Variants in DLGAP2 observed in about 807,000 individuals in gnomAD.
DLGAP2 encodes DLG associated protein 2.
DLGAP2 carries 26 observed loss-of-function variants against 100.3 expected under a neutral mutation model. The observed-to-expected ratio is 0.26, with a 90% CI of 0.19 to 0.36. The LOEUF is 0.36. DLGAP2 is among the 10% of genes least tolerant of loss of function. The probability of loss-of-function intolerance (pLI) is 1.00; values close to 1 mark genes in which losing one functional copy is unlikely to be tolerated. For missense variants in DLGAP2, 1,858 were observed against 1,453.2 expected, an observed-to-expected ratio of 1.28 and a Z score of -4.53; for synonymous variants, 886 against 630.1, an observed-to-expected ratio of 1.41 and a Z score of -6.08.
chr8:1,068,689 A>G (rs552779194), intron 2 of DLGAP2, among the ~76,000 whole-genome samples: 21 of 152,176 alleles, frequency 1.4e-4, no homozygotes, highest in East Asian at 1.4e-3. Flanking sequence ...GGCTCAGCGC[A>G]TGTGGGACAG....
intron 1 of DLGAP2, among the ~76,000 whole-genome samples, chr8:752,462 G>A (rs953915695): frequency 6.6e-6 from 1 of 152,312 alleles, no homozygotes; most frequent in Non-Finnish European, 1.5e-5. Flanking sequence ...TGCCAATCTC[G>A]GTCGTGCCGC....
At chr8:1,377,529 G>A (rs1795986314) in intron 3 of DLGAP2, among the ~76,000 whole-genome samples, 2 of 152,158 alleles carry the variant, frequency 1.3e-5, no homozygotes, top group Non-Finnish European at 1.5e-5. Context: ...GGGCGATAGA[G>A]CGAGACTCCG....
intron 1 of DLGAP2, among the ~76,000 whole-genome samples, chr8:863,371 A>G (rs1296116229): frequency 6.6e-6 from 1 of 152,234 alleles, no homozygotes; most frequent in African/African-American, 2.4e-5. Flanking sequence ...CATCCCAAAT[A>G]TTTAAGGTTA....
intron 2 of DLGAP2, among the ~76,000 whole-genome samples, chr8:1,164,963 A>G (rs919479154): frequency 1.3e-5 from 2 of 151,892 alleles, no homozygotes; most frequent in Non-Finnish European, 2.9e-5. Context: ...AGAAACCCAA[A>G]TTATCTTCCC....
At chr8:1,357,468 T>G (rs1293096879) in intron 3 of DLGAP2, among the ~76,000 whole-genome samples, 1 of 151,768 alleles carries the variant, frequency 6.6e-6, no homozygotes, top group African/African-American at 2.4e-5. Flanking sequence ...TCGTCTAATG[T>G]ACAGTGACTG....
At chr8:1,004,364 A>G (rs1801046197) in intron 2 of DLGAP2, among the ~76,000 whole-genome samples, 1 of 152,238 alleles carries the variant, frequency 6.6e-6, no homozygotes, top group African/African-American at 2.4e-5. Context: ...TTGGTAAGCT[A>G]CAGTGACATT....
Position 967,831 on chromosome 8 carries a change from T to C in DLGAP2, c.73+59865T>C, listed in dbSNP as rs1302636769. ...TTGAACACCACTATATATATATATA[T>C]ATATATATATATATATATATATATA... On this transcript the variant is annotated intron_variant, in intron 2 of 14. Transcript: ENST00000637795. 1.1e-3 allele frequency among the ~76,000 whole-genome samples: 19 copies of C among 16,804 alleles called. 1 individual carries two copies. The highest frequency in any genetic ancestry group is 2.4e-3 in the Non-Finnish European group (19 of 7,798). The allele number at this position is 16,804 out of a possible 152,430, so 11.0% of individuals were successfully genotyped here. A position where few individuals can be genotyped will look rare whatever the true frequency, so the allele number is the denominator to read the frequency against.
intron 1 of DLGAP2, among the ~76,000 whole-genome samples, chr8:752,254 G>T (rs534717045): frequency 6.6e-6 from 1 of 152,356 alleles, no homozygotes; most frequent in South Asian, 2.1e-4. Flanking sequence ...CAGAGAGGGA[G>T]AGGAGAGACT....
At chr8:1,670,606 G>A (rs1265241369) in intron 10 of DLGAP2, among the ~76,000 whole-genome samples, 1 of 152,246 alleles carries the variant, frequency 6.6e-6, no homozygotes, top group Admixed American at 6.5e-5. Context: ...TGGACGGATG[G>A]GTCGCTGGGT....
intron 2 of DLGAP2, among the ~76,000 whole-genome samples, chr8:985,082 G>A (rs1412226445): frequency 6.6e-6 from 1 of 152,226 alleles, no homozygotes; most frequent in Non-Finnish European, 1.5e-5. Context: ...TTTGCATAAT[G>A]TTTCCACGTA....
chr8:1,592,050 C>A (rs568260262), intron 6 of DLGAP2, among the ~76,000 whole-genome samples: 1 of 152,146 alleles, frequency 6.6e-6, no homozygotes, highest in Non-Finnish European at 1.5e-5. Flanking sequence ...AGTGAGTATC[C>A]AGTCTCATTT....
intron 3 of DLGAP2, among the ~76,000 whole-genome samples, chr8:1,390,808 C>T (rs554363898): frequency 4.6e-5 from 7 of 152,334 alleles, no homozygotes; most frequent in Non-Finnish European, 8.8e-5. Context: ...CTCTTATCCA[C>T]AGAGCGAGCC....
chr8:877,319 C>T (rs911110752), intron 1 of DLGAP2, among the ~76,000 whole-genome samples: 3 of 152,140 alleles, frequency 2.0e-5, no homozygotes, highest in Non-Finnish European at 4.4e-5. Flanking sequence ...TTTCTTCGTT[C>T]AGTGATTGGC....
intron 5 of DLGAP2, among the ~76,000 whole-genome samples, chr8:1,558,613 C>A (rs1378730218): frequency 6.6e-6 from 1 of 150,652 alleles, no homozygotes; most frequent in Non-Finnish European, 1.5e-5. Context: ...TATGCCTGCA[C>A]ACACACATAC....
chr8:1,666,374 C>G (rs1798544509), intron 8 of DLGAP2, among the ~76,000 whole-genome samples: 1 of 152,150 alleles, frequency 6.6e-6, no homozygotes, highest in African/African-American at 2.4e-5. Context: ...ATGCTTTTTA[C>G]AAATGTATCC....
At chr8:1,258,553 G>A (rs1413221414) in intron 2 of DLGAP2, among the ~76,000 whole-genome samples, 1 of 152,172 alleles carries the variant, frequency 6.6e-6, no homozygotes, top group Non-Finnish European at 1.5e-5. Flanking sequence ...GTATACCTAT[G>A]TAAGCTGCAC....
chr8:1,477,676 C>G (rs1012089965), intron 3 of DLGAP2, among the ~76,000 whole-genome samples: 1 of 152,026 alleles, frequency 6.6e-6, no homozygotes, highest in African/African-American at 2.4e-5. Context: ...CAAAGTAGCT[C>G]GCTTATTTAC....
In DLGAP2 at chr8:984,584, G is replaced by A. The variant is rs563046149; in HGVS notation, c.73+76618G>A. Among the ~76,000 whole-genome samples the A allele has an allele frequency of 4.6e-5, 7 of 152,272 alleles. No homozygotes were observed. The East Asian group carries it at 7.7e-4, about 17-fold the overall frequency. ...AAAGATTGTGTAGAGCAGGCCTGGCGCAGTAGTAAGAACAGCTCTTGACAC... is the reference window on the plus strand; with the variant it reads ...AAAGATTGTGTAGAGCAGGCCTGGCACAGTAGTAAGAACAGCTCTTGACAC... On this transcript the variant is annotated intron_variant, in intron 2 of 14. Transcript: ENST00000637795.
At chr8:1,066,512 G>A (rs1369557531) in intron 2 of DLGAP2, among the ~76,000 whole-genome samples, 1 of 149,832 alleles carries the variant, frequency 6.7e-6, no homozygotes, top group Admixed American at 6.6e-5. Context: ...AGTGAGGACA[G>A]TTCCCCACCA....
Sources: gnomAD v4.1 joint callset for allele counts (sites outside exome capture counted in the v4.1 genomes callset) on GRCh38, gnomAD v4.1.1 for gene constraint, MANE v1.5 for transcripts, NCBI Gene and HGNC (gene_info 2026-07-23, HGNC 2026-07-21) for gene names.